Variants in AHRR observed in about 807,000 individuals in gnomAD.
The protein encoded by AHRR is ahR repressor.
Under a neutral mutation model 44.0 loss-of-function variants are expected in AHRR, and 28 were observed. The ratio of observed to expected loss-of-function variants is 0.64; its 90% CI spans 0.47 to 0.87. The LOEUF is 0.87. AHRR is among the 40% of genes least tolerant of loss of function. The pLI, the probability that AHRR is intolerant of heterozygous loss-of-function variation, is 0.00. For missense variants in AHRR, 990 were observed against 953.9 expected (o/e 1.04, Z -0.50); for synonymous variants, 434 against 407.0 (o/e 1.07, Z -0.80).
At chr5:374,740 C>T (rs1438316664) in intron 3 of AHRR, among the ~76,000 whole-genome samples, 1 of 152,246 alleles carries the variant, frequency 6.6e-6, no homozygotes, top group African/African-American at 2.4e-5. Context: ...TCACTCGGGC[C>T]CTCGCCCCCC....
chr5:421,151 C>G, intron 5 of AHRR: 2 of 572,460 alleles, frequency 3.5e-6, no homozygotes, highest in South Asian at 4.0e-5. Context: ...GGAGCCGCCC[C>G]GCCTGGGAGG....
At chr5:423,564 C>G (rs1414181015) in intron 6 of AHRR, among the ~76,000 whole-genome samples, 1 of 152,212 alleles carries the variant, frequency 6.6e-6, no homozygotes, top group African/African-American at 2.4e-5. Context: ...GCCCAGGCAC[C>G]TACATGCAAG....
At chr5:372,043 C>T (rs966568538) in intron 3 of AHRR, among the ~76,000 whole-genome samples, 1 of 152,246 alleles carries the variant, frequency 6.6e-6, no homozygotes, top group Non-Finnish European at 1.5e-5. Context: ...GAAGCACCCA[C>T]ATTCCTTACC....
intron 1 of AHRR, among the ~76,000 whole-genome samples, chr5:324,021 T>TTTCTTTC (rs1741609561): frequency 1.5e-5 from 2 of 132,412 alleles, no homozygotes; most frequent in Non-Finnish European, 3.2e-5. Context: ...CTTTCTTTCT[T>TTTCTTTC]TCTCTCTCTC....
intron 4 of AHRR, among the ~76,000 whole-genome samples, chr5:384,837 A>G (rs1734107476): frequency 1.3e-5 from 2 of 152,210 alleles, no homozygotes; most frequent in African/African-American, 4.8e-5. Context: ...TCCCTGTGGT[A>G]TCAGTTCTGT....
intron 8 of AHRR, among the ~76,000 whole-genome samples, chr5:430,867 C>T (rs1185718663): frequency 6.6e-6 from 1 of 152,112 alleles, no homozygotes; most frequent in Non-Finnish European, 1.5e-5. Context: ...AATGTATGTA[C>T]CTTATTTTAA....
At chr5:427,725 G>A (rs373140041) in intron 7 of AHRR, 82 bp from the exon 8 acceptor site, 69 of 1,613,648 alleles carry the variant, frequency 4.3e-5, no homozygotes, top group Middle Eastern at 1.7e-4. Flanking sequence ...AGCCGCTGTC[G>A]CGCCCTTGAG....
chr5:414,857 C>T (rs754114876), intron 5 of AHRR, among the ~76,000 whole-genome samples: 64 of 152,222 alleles, frequency 4.2e-4, no homozygotes, highest in Non-Finnish European at 6.2e-4. Context: ...AGACTTATGA[C>T]GGGTTTAGTG....
chr5:398,007 AGCCCCTGACCATCCACG>A (rs1734823775), intron 4 of AHRR, among the ~76,000 whole-genome samples: 2 of 121,412 alleles, frequency 1.6e-5, no homozygotes, highest in Non-Finnish European at 3.5e-5. Flanking sequence ...CCATCCACGT[AGCCCCTGACCATCCACG>A]TAGCTCCTGA....
intron 2 of AHRR, among the ~76,000 whole-genome samples, chr5:352,652 G>C (rs1041920815): frequency 7.0e-6 from 1 of 143,822 alleles, no homozygotes; most frequent in African/African-American, 2.5e-5. Flanking sequence ...AGCTGTAGGG[G>C]ACGGTCACTG....
At chr5:394,932 G>C (rs1199388042) in intron 4 of AHRR, among the ~76,000 whole-genome samples, 1 of 152,176 alleles carries the variant, frequency 6.6e-6, no homozygotes, top group Admixed American at 6.5e-5. Context: ...TGGAGCTGGC[G>C]GTGCGGCCGT....
Position 387,243 on chromosome 5 carries a change from C to A in AHRR, c.351+10527C>A, listed in dbSNP as rs1734203860. On this transcript the variant is annotated intron_variant, in intron 4 of 10. Transcript: ENST00000684583. This position sits in a 1 kb window ranked among gnomAD's most constrained non-coding sequence, Gnocchi z 5.1. ...GCGGGGTCCTGTCTCCTGCTCTCTCCTCTGCTTACGTCCCCCACCCTGCTG... is the reference window on the plus strand; with the variant it reads ...GCGGGGTCCTGTCTCCTGCTCTCTCATCTGCTTACGTCCCCCACCCTGCTG... 6.6e-6 allele frequency among the ~76,000 whole-genome samples: 1 copy of A among 152,242 alleles called. No homozygotes were observed.
At position 434,393 on chromosome 5, in the gene AHRR, C is replaced by T; in HGVS notation, c.1653C>T (p.Ser551=). The change falls in exon 11 of 11, where the codon AGC becomes AGT. Residue 551 remains serine, a synonymous_variant. Transcript: ENST00000684583. The part of the protein sequence containing the change: ...CEGAADGCVP[S]QVWLGASDRS... The stretch of plus-strand genomic sequence containing the variant: ...GTGCTGCAGACGGCTGTGTGCCCAG[C>T]CAGGTGTGGCTGGGGGCCAGTGACA... 1 of 1,613,542 alleles carries T rather than the reference C, an allele frequency of 6.2e-7. No homozygotes were observed. The highest frequency in any genetic ancestry group is 8.5e-7 in the Non-Finnish European group (1 of 1,179,974).
In AHRR at chr5:326,735, C is replaced by G. The variant is rs1324516136; in HGVS notation, c.-11+4916C>G. Among the ~76,000 whole-genome samples, 1 of 152,070 alleles carries G rather than the reference C, an allele frequency of 6.6e-6. No homozygotes were observed. The highest frequency in any genetic ancestry group is 1.5e-5 in the Non-Finnish European group (1 of 68,010). ...AGAAACAGTTCCAATTTCTCCATAG[C>G]CCCACTGACCCTTGTTATGTTCCAT... On this transcript the variant is annotated intron_variant, in intron 1 of 10. Transcript: ENST00000684583. This position sits in a 1 kb window ranked among gnomAD's most constrained non-coding sequence, Gnocchi z 4.1.
intron 4 of AHRR, among the ~76,000 whole-genome samples, chr5:393,153 G>A (rs1734546224): frequency 6.6e-6 from 1 of 152,152 alleles, no homozygotes; most frequent in Non-Finnish European, 1.5e-5. Context: ...TTTGAAATGA[G>A]AGCTTTCAGG....
At chr5:379,139 G>A (rs1001409931) in intron 4 of AHRR, among the ~76,000 whole-genome samples, 1 of 152,198 alleles carries the variant, frequency 6.6e-6, no homozygotes, top group Non-Finnish European at 1.5e-5. Context: ...GGAGTCACAC[G>A]CATGGCCTTT....
chr5:343,285 G>A (rs904464667), intron 1 of AHRR, among the ~76,000 whole-genome samples: 4 of 136,702 alleles, frequency 2.9e-5, no homozygotes, highest in Admixed American at 7.4e-5. Flanking sequence ...ATACCTTTTC[G>A]GGGTGACGTG....
intron 2 of AHRR, among the ~76,000 whole-genome samples, chr5:353,498 GCTT>G (rs1742931350): frequency 6.6e-6 from 1 of 152,158 alleles, no homozygotes; most frequent in African/African-American, 2.4e-5. Context: ...CGGCTGGTTT[GCTT>G]CTTCTCTCTA....
In AHRR at chr5:432,188, C is replaced by T. The variant is rs540101584; in HGVS notation, c.909-275C>T. Reference sequence around the variant, plus strand: ...AAAAAATATAAGCTCTAAAAATCATCCTATGATTTTATCCTTCTACTTTCT... The same window carrying T: ...AAAAAATATAAGCTCTAAAAATCATTCTATGATTTTATCCTTCTACTTTCT... On this transcript the variant is annotated intron_variant, in intron 8 of 10. Transcript: ENST00000684583. 4.1e-4 allele frequency: 171 copies of T among 415,900 alleles called. 2 individuals carry two copies. Among genetic ancestry groups the T allele is most frequent in the Non-Finnish European group, 6.7e-4 (153 of 228,110 alleles). The allele number at this position is 415,900 out of a possible 1,614,324, so 25.8% of individuals were successfully genotyped here. A position where few individuals can be genotyped will look rare whatever the true frequency, so the allele number is the denominator to read the frequency against.
Sources: allele counts gnomAD v4.1 joint callset (sites outside exome capture counted in the v4.1 genomes callset), GRCh38; gene constraint gnomAD v4.1.1; non-coding constraint Gnocchi (gnomAD v3.1); transcripts MANE v1.5; gene names NCBI Gene and HGNC (gene_info 2026-07-23, HGNC 2026-07-21).